Variants in CNPY4 observed in about 807,000 individuals in gnomAD.
CNPY4 encodes protein canopy homolog 4.
Under a neutral mutation model 30.1 loss-of-function variants are expected in CNPY4, and 33 were observed. The ratio of observed to expected loss-of-function variants is 1.10; its 90% CI spans 0.83 to 1.46. The LOEUF is 1.46. CNPY4 is among the 40% of genes most tolerant of loss of function. The pLI is 0.00. For synonymous variants in CNPY4, 109 were observed against 110.1 expected (o/e 0.99, Z 0.06); for missense variants, 324 against 302.6 (o/e 1.07, Z -0.52).
At chr7:100,121,114 A>ATTTTTTTTTTTTTTTTTT in intron 1 of CNPY4, 1 of 31,162 alleles carries the variant, frequency 3.2e-5, no homozygotes, top group Non-Finnish European at 5.5e-5. Context: ...ATATATATAT[A>ATTTTTTTTTTTTTTTTTT]TATTTTTTTT....
In CNPY4 at chr7:100,119,641, G is replaced by T. The variant is rs536137427; in HGVS notation, c.-104G>T. ...TCCTGCGCATGCGCCGACCTTCCTCGGCTGGATTTAAGGTTGCCGCTAGCC... is the reference window on the plus strand; with the variant it reads ...TCCTGCGCATGCGCCGACCTTCCTCTGCTGGATTTAAGGTTGCCGCTAGCC... On this transcript the variant is annotated 5_prime_UTR_variant, in exon 1 of 6. Coordinates refer to ENST00000262932, the MANE Select transcript of CNPY4 (RefSeq NM_152755.2). The T allele has an allele frequency of 1.2e-6, 2 of 1,603,086 alleles. No homozygotes were observed. The highest frequency in any genetic ancestry group is 2.3e-5 in the East Asian group (1 of 44,418).
At chr7:100,124,453 G>A (rs1280011253) in intron 4 of CNPY4, 61 bp from the exon 5 acceptor site, 1 of 1,337,864 alleles carries the variant, frequency 7.5e-7, no homozygotes, top group East Asian at 2.3e-5. Flanking sequence ...AGGGAGAGAA[G>A]ACAGGCGGGA....
chr7:100,119,713 A>G lies in CNPY4; in HGVS notation c.-32A>G. On this transcript the variant is annotated 5_prime_UTR_variant, in exon 1 of 6. Coordinates refer to ENST00000262932, the MANE Select transcript of CNPY4 (RefSeq NM_152755.2). ...ACACTACCTTCCCGAAGTTGAAGGC[A>G]AGCGGTGATTGTTTGTAGACGGCGC... is the stretch of plus-strand genomic sequence containing the variant. The G allele has an allele frequency of 5.0e-6, 8 of 1,614,048 alleles. No homozygotes were observed. The highest frequency in any genetic ancestry group is 6.8e-6 in the Non-Finnish European group (8 of 1,179,970).
rs376839210 is a variant in CNPY4 at position 100,124,637 on chromosome 7, C to T, written c.583+6C>T. ...GCTCCCAGCTGCTGAAACTGGTAAG[C>T]GTAAGGGTTGAACTCCTCTCCTGCC... On this transcript the variant is annotated splice_donor_region_variant and intron_variant, in intron 5 of 5. Coordinates refer to ENST00000262932, the MANE Select transcript of CNPY4 (RefSeq NM_152755.2). The T allele has an allele frequency of 5.6e-6, 9 of 1,611,988 alleles. No individual in the cohort carries two copies. Among genetic ancestry groups the T allele is most frequent in the South Asian group, 1.1e-5 (1 of 91,006 alleles).
chr7:100,124,319 T>G, intron 4 of CNPY4, 195 bp from the exon 5 acceptor site: 1 of 544,534 alleles, frequency 1.8e-6, no homozygotes, highest in Non-Finnish European at 3.3e-6. Context: ...GACTCAAGAG[T>G]TTAATAATCT....
chr7:100,121,815 C>G (rs576093491), intron 1 of CNPY4, among the ~76,000 whole-genome samples: 78 of 151,882 alleles, frequency 5.1e-4, no homozygotes, highest in Non-Finnish European at 9.1e-4. Flanking sequence ...CTTTGGGAGG[C>G]CAAGGCGGGC....
Position 100,124,644 on chromosome 7 carries a change from G to A in CNPY4, c.583+13G>A. 1 of 1,612,086 alleles carries A rather than the reference G, an allele frequency of 6.2e-7. No individual in the cohort carries two copies. Among genetic ancestry groups the A allele is most frequent in the Admixed American group, 1.7e-5 (1 of 59,884 alleles). Reference sequence around the variant, plus strand: ...GCTGCTGAAACTGGTAAGCGTAAGGGTTGAACTCCTCTCCTGCCAAGCCAT... The same window carrying A: ...GCTGCTGAAACTGGTAAGCGTAAGGATTGAACTCCTCTCCTGCCAAGCCAT... On this transcript the variant is annotated intron_variant, in intron 5 of 5. Coordinates refer to ENST00000262932, the MANE Select transcript of CNPY4 (RefSeq NM_152755.2).
At position 100,122,247 on chromosome 7, in the gene CNPY4, C is replaced by G; in HGVS notation, c.119-12C>G. The G allele has an allele frequency of 1.2e-6, 2 of 1,609,162 alleles. No individual in the cohort carries two copies. The highest frequency in any genetic ancestry group is 1.1e-5 in the South Asian group (1 of 90,982). On this transcript the variant is annotated splice_polypyrimidine_tract_variant and intron_variant, in intron 1 of 5. Transcript: ENST00000262932. ...CTTTTACCTCCCCCCGGACGTTTCT[C>G]CTCCCCACCAGTGTGTAAGCTGCTG...
intron 4 of CNPY4, 73 bp downstream of exon 4, chr7:100,122,979 A>C: frequency 1.3e-6 from 2 of 1,487,198 alleles, no homozygotes; most frequent in East Asian, 2.3e-5. Context: ...CTAGGGTTTG[A>C]CTATAGGGGA....
Position 100,124,834 on chromosome 7 carries a change from A to C in CNPY4, c.693A>C (p.Gly231=), listed in dbSNP as rs1397198665. The C allele has an allele frequency of 6.2e-7, 1 of 1,610,838 alleles. No homozygotes were observed. Among genetic ancestry groups the C allele is most frequent in the African/African-American group, 1.3e-5 (1 of 74,762 alleles). ...AGGAAGAGGAGGAAGAGGAAGGGGG[A>C]GACAAGATGACCAAGACAGGAAGCC... ...EEEEEEEEEG[G]DKMTKTGSHP... is the part of the protein sequence containing the mutation. Residue 231 remains glycine, a synonymous_variant, in exon 6 of 6, where the codon GGA becomes GGC. Coordinates refer to ENST00000262932, the MANE Select transcript of CNPY4 (RefSeq NM_152755.2).
In CNPY4 at chr7:100,124,805, G is replaced by A. The variant is rs1477095982; in HGVS notation, c.664G>A (p.Glu222Lys). ...AGAAGGGGAGGAAGAGCAGGAGGAGGAGGAGGAAGAGGAGGAAGAGGAAGG... is the reference window on the plus strand; with the variant it reads ...AGAAGGGGAGGAAGAGCAGGAGGAGAAGGAGGAAGAGGAGGAAGAGGAAGG... ...KTEGEEEQEEEEEEEEEEGGD... is the reference protein window; with the variant it reads ...KTEGEEEQEEKEEEEEEEGGD... Residue 222 changes from glutamate to lysine, a missense_variant, in exon 6 of 6, where the codon GAG becomes AAG. Glu to Lys is a moderately conservative substitution (Grantham distance 56). Coordinates refer to ENST00000262932, the MANE Select transcript of CNPY4 (RefSeq NM_152755.2). 1.9e-6 allele frequency: 3 copies of A among 1,613,100 alleles called. No homozygotes were observed. Among genetic ancestry groups the A allele is most frequent in the Middle Eastern group, 1.7e-4 (1 of 6,058 alleles).
In CNPY4 at chr7:100,122,589, C is replaced by T. The variant is rs1038828165; in HGVS notation, c.342+12C>T. ...TGAGATATGCCAAGGTCAGACCCTT[C>T]CCCAGGGCAGGACCCCACTTCTCAG... is the stretch of plus-strand genomic sequence containing the variant. On this transcript the variant is annotated intron_variant, in intron 3 of 5. Coordinates refer to ENST00000262932, the MANE Select transcript of CNPY4 (RefSeq NM_152755.2). 7 of 1,589,952 alleles carry T rather than the reference C, an allele frequency of 4.4e-6. No individual in the cohort carries two copies. The highest frequency in any genetic ancestry group is 4.0e-5 in the African/African-American group (3 of 74,236).
Position 100,122,832 on chromosome 7 carries a change from G to A in CNPY4, c.391G>A (p.Val131Met). 1 of 1,614,026 alleles carries A rather than the reference G, an allele frequency of 6.2e-7. No homozygotes were observed. The highest frequency in any genetic ancestry group is 8.5e-7 in the Non-Finnish European group (1 of 1,180,006). The change falls in exon 4 of 6, where the codon GTG becomes ATG. Residue 131 changes from valine to methionine, a missense_variant. Transcript: ENST00000262932. ...ACTGAAAGGCCTAGTGCAGAAGGGG[G>A]TGAAGGTGGATCTGGGGATCCCTCT... The part of the protein sequence containing the change: ...ATLKGLVQKG[V>M]KVDLGIPLEL...
intron 1 of CNPY4, chr7:100,121,116 A>ATATATATATT (rs1584585316): frequency 3.8e-5 from 2 of 52,772 alleles, no homozygotes; most frequent in Admixed American, 2.8e-4. Context: ...ATATATATAT[A>ATATATATATT]TTTTTTTTTT....
chr7:100,121,961 A>G (rs1798086162), intron 1 of CNPY4: 1 of 286,418 alleles, frequency 3.5e-6, no homozygotes, highest in Admixed American at 5.0e-5. Context: ...GAGGCAGGAG[A>G]ATGGCGTGAA....
In CNPY4 at chr7:100,124,785, G is replaced by A. The variant is rs749216388; in HGVS notation, c.644G>A (p.Gly215Glu). The A allele has an allele frequency of 6.2e-7, 1 of 1,613,500 alleles. No homozygotes were observed. The highest frequency in any genetic ancestry group is 8.5e-7 in the Non-Finnish European group (1 of 1,179,900). Residue 215 changes from glycine (G) to glutamate (E), a missense_variant, in exon 6 of 6, where the codon GGG (glycine) becomes GAG (glutamate). By Grantham distance (98) the Gly-to-Glu change is moderately conservative. Transcript: ENST00000262932. The part of the protein sequence containing the change: ...EITDGEEKTE[G>E]EEEQEEEEEE... The stretch of plus-strand genomic sequence containing the variant: ...ACAGATGGGGAAGAGAAAACAGAAG[G>A]GGAGGAAGAGCAGGAGGAGGAGGAG...
At chr7:100,123,677 C>A (rs1159944362) in intron 4 of CNPY4, among the ~76,000 whole-genome samples, 1 of 152,020 alleles carries the variant, frequency 6.6e-6, no homozygotes. Flanking sequence ...CCTGCCACCA[C>A]GCCCAGCTAA....
chr7:100,124,457 G>A (rs1562939999), intron 4 of CNPY4, 57 bp from the exon 5 acceptor site: 1 of 1,376,588 alleles, frequency 7.3e-7, no homozygotes. Context: ...AGAGAAGACA[G>A]GCGGGATCCC....
Position 100,125,045 on chromosome 7 carries a change from A to ACCCAG in CNPY4, c.*157_*158insCCCAG. The ACCCAG allele has an allele frequency of 1.2e-6, 1 of 827,690 alleles. No homozygotes were observed. Among genetic ancestry groups the ACCCAG allele is most frequent in the South Asian group, 1.9e-5 (1 of 52,778 alleles). The allele number at this position is 827,690 out of a possible 1,614,324, so 51.3% of individuals were successfully genotyped here. A position where few individuals can be genotyped will look rare whatever the true frequency, so the allele number is the denominator to read the frequency against. The stretch of plus-strand genomic sequence containing the variant: ...TCTAACCTCAGGCAAGATCCTGGTG[A>ACCCAG]AACAGCATGACATGGCTTCTGGGGT... On this transcript the variant is annotated 3_prime_UTR_variant, in exon 6 of 6. Coordinates refer to ENST00000262932, the MANE Select transcript of CNPY4 (RefSeq NM_152755.2).
Sources: gnomAD v4.1 joint callset for allele counts (sites outside exome capture counted in the v4.1 genomes callset) on GRCh38, gnomAD v4.1.1 for gene constraint, MANE v1.5 for transcripts, NCBI Gene and HGNC (gene_info 2026-07-23, HGNC 2026-07-21) for gene names.